The following ZFYVE26 variants were observed in gnomAD, a reference collection of about 807,000 sequenced individuals.
ZFYVE26 encodes zinc finger FYVE-type containing 26, also known as zinc finger FYVE domain-containing protein 26.
ZFYVE26 carries 181 observed loss-of-function variants against 276.5 expected under a neutral mutation model. That is an observed-to-expected ratio of 0.65 (90% CI 0.58 to 0.74). The LOEUF is 0.74. Among genes scored for constraint, ZFYVE26 ranks in the 30% least tolerant of loss-of-function variants. The pLI is 0.00. For synonymous variants in ZFYVE26, 1,129 were observed against 1,203.1 expected (o/e 0.94, Z 1.27); for missense variants, 2,821 against 3,097.9 (o/e 0.91, Z 2.12).
intron 37 of ZFYVE26, among the ~76,000 whole-genome samples, chr14:67,754,783 A>G (rs2038735474): frequency 6.6e-6 from 1 of 152,174 alleles, no homozygotes; most frequent in South Asian, 2.1e-4. Context: ...TAGGGGCCAG[A>G]ACGTGCAGGA....
rs190184633 is a variant in ZFYVE26 at position 67,803,998 on chromosome 14, T to A, written c.1435+103A>T. The A allele has an allele frequency of 1.3e-5, 20 of 1,518,562 alleles. No individual in the cohort carries two copies. The African/African-American group carries it at 2.5e-4, about 19-fold the overall frequency. The allele number at this position is 1,518,562 out of a possible 1,614,324, so 94.1% of individuals were successfully genotyped here. On this transcript the variant is annotated intron_variant, in intron 9 of 41. Coordinates refer to ENST00000347230, the MANE Select transcript of ZFYVE26 (RefSeq NM_015346.4). The stretch of plus-strand genomic sequence containing the variant: ...AGAGGAGACCTCCTCACCACCCTCT[T>A]GAAAGATCTCAGCAATCACATCTGG...
Position 67,783,251 on chromosome 14 carries a change from T to C in ZFYVE26, c.3901A>G (p.Thr1301Ala). The C allele has an allele frequency of 6.2e-7, 1 of 1,613,590 alleles. No individual in the cohort carries two copies. Among genetic ancestry groups the C allele is most frequent in the Non-Finnish European group, 8.5e-7 (1 of 1,179,778 alleles). The change falls in exon 21 of 42, where the codon ACC becomes GCC. Residue 1301 changes from threonine to alanine, a missense_variant. Thr to Ala is a moderately conservative substitution (Grantham distance 58, BLOSUM62 0). Coordinates refer to ENST00000347230, the MANE Select transcript of ZFYVE26 (RefSeq NM_015346.4). Reference sequence around the variant, plus strand: ...TTAAGAAAGGCCAAGGCAGAGGAGGTGAGGGCTGGGAGTGATGAGTCCCTT... The same window carrying C: ...TTAAGAAAGGCCAAGGCAGAGGAGGCGAGGGCTGGGAGTGATGAGTCCCTT... ...SPRDSSLPALTSSALAFLKSR... is the reference protein window; with the variant it reads ...SPRDSSLPALASSALAFLKSR...
downstream of ZFYVE26, among the ~76,000 whole-genome samples, chr14:67,744,774 T>C (rs1365145249): frequency 2.0e-5 from 3 of 152,236 alleles, no homozygotes; most frequent in Admixed American, 1.3e-4. Flanking sequence ...TAGTATTCTA[T>C]GGTATATATG....
chr14:67,757,013 G>C (rs1299901323), intron 35 of ZFYVE26, among the ~76,000 whole-genome samples: 1 of 152,046 alleles, frequency 6.6e-6, no homozygotes, highest in Non-Finnish European at 1.5e-5. Context: ...AAAAACCTTA[G>C]TCATCTTTTC....
chr14:67,799,497 A>G (rs1336241358), intron 10 of ZFYVE26: 1 of 1,605,668 alleles, frequency 6.2e-7, no homozygotes, highest in African/African-American at 1.3e-5. Context: ...CAGAGCAGAC[A>G]AAAGGATCGG....
chr14:67,803,622 C>T (rs750118440), intron 9 of ZFYVE26, among the ~76,000 whole-genome samples: 6 of 152,178 alleles, frequency 3.9e-5, no homozygotes, highest in African/African-American at 9.7e-5. Flanking sequence ...GGATTACAGG[C>T]GTGAGACACT....
intron 10 of ZFYVE26, chr14:67,799,683 G>A: frequency 9.1e-7 from 1 of 1,093,588 alleles, no homozygotes; most frequent in Non-Finnish European, 1.4e-6. Context: ...AAGATTTGAA[G>A]GCAAAAGTCA....
chr14:67,761,804 A>C, intron 34 of ZFYVE26: 1 of 595,668 alleles, frequency 1.7e-6, no homozygotes, highest in South Asian at 2.0e-5. Context: ...AATGTGGAAA[A>C]ATGTTCATAA....
At chr14:67,775,352 C>T (rs530195846) in intron 26 of ZFYVE26, among the ~76,000 whole-genome samples, 1 of 152,140 alleles carries the variant, frequency 6.6e-6, no homozygotes, top group South Asian at 2.1e-4. Context: ...TAGGATTCTA[C>T]AAAATAAATC....
At chr14:67,773,937 G>A (rs2039277289) in intron 27 of ZFYVE26, among the ~76,000 whole-genome samples, 1 of 152,128 alleles carries the variant, frequency 6.6e-6, no homozygotes, top group Non-Finnish European at 1.5e-5. Flanking sequence ...TGGAGACCAG[G>A]GGACTGGTGA....
intron 31 of ZFYVE26, among the ~76,000 whole-genome samples, chr14:67,767,084 A>T (rs117573691): frequency 0.022 from 3,380 of 152,186 alleles, 48 homozygotes; most frequent in Non-Finnish European, 0.029. Context: ...GCTGACTTGG[A>T]CAACAATGGT....
At chr14:67,768,228 A>G (rs2039110593) in intron 30 of ZFYVE26, among the ~76,000 whole-genome samples, 1 of 152,214 alleles carries the variant, frequency 6.6e-6, no homozygotes, top group Non-Finnish European at 1.5e-5. Context: ...TAGGATGGTA[A>G]AGGGAAACTT....
chr14:67,761,555 C>A lies in ZFYVE26; in HGVS notation c.6399G>T (p.Arg2133Ser), dbSNP rs1450048880. ...GCGTCCGAAGGGTAGCTTCCAGTTC[C>A]CTCAGGGTGGCAAAGTAATCGTCAT... ...LQDDDYFATLRELEATLRTQS... is the reference protein window; with the variant it reads ...LQDDDYFATLSELEATLRTQS... Residue 2133 changes from arginine to serine, a missense_variant, in exon 35 of 42, where the codon AGG (arginine) becomes AGT (serine). Physicochemically the swap from Arg to Ser is moderately radical, Grantham distance 110. Coordinates refer to ENST00000347230, the MANE Select transcript of ZFYVE26 (RefSeq NM_015346.4). 1.2e-6 allele frequency: 2 copies of A among 1,614,138 alleles called. No homozygotes were observed. Among genetic ancestry groups the A allele is most frequent in the Non-Finnish European group, 1.7e-6 (2 of 1,180,028 alleles).
At chr14:67,798,714 C>T (rs1052770690) in intron 10 of ZFYVE26, 92 bp from the exon 11 acceptor site, 53 of 1,516,546 alleles carry the variant, frequency 3.5e-5, no homozygotes, top group Non-Finnish European at 4.3e-5. Context: ...CAAACATTCT[C>T]GCAACTTTAG....
chr14:67,759,622 C>CAAAA (rs10687512), intron 35 of ZFYVE26, among the ~76,000 whole-genome samples: 46,039 of 106,910 alleles, frequency 0.43, 11,777 homozygotes, highest in Non-Finnish European at 0.52. Context: ...GACTCTGGCT[C>CAAAA]AAAAAAAAAA....
chr14:67,783,279 G>A lies in ZFYVE26; in HGVS notation c.3873C>T (p.Ser1291=). ...GGGCTGGGAGTGATGAGTCCCTTGG[G>A]GAGGAGTAGGGCTTTCTTTCCAATG... ...NPTLERKPYS[S]PRDSSLPALT... The change falls in exon 21 of 42, where the codon TCC becomes TCT. Residue 1291 remains serine, a synonymous_variant. Coordinates refer to ENST00000347230, the MANE Select transcript of ZFYVE26 (RefSeq NM_015346.4). 6.2e-7 allele frequency: 1 copy of A among 1,613,686 alleles called. No homozygotes were observed. The highest frequency in any genetic ancestry group is 8.5e-7 in the Non-Finnish European group (1 of 1,179,648).
At chr14:67,763,006 G>A (rs576624925) in intron 32 of ZFYVE26, among the ~76,000 whole-genome samples, 187 bp from the exon 33 acceptor site, 87 of 152,328 alleles carry the variant, frequency 5.7e-4, no homozygotes, top group African/African-American at 1.8e-3. Flanking sequence ...GGGTTCAAAC[G>A]ATTCTTCTGT....
At chr14:67,797,100 T>C (rs544279286) in intron 12 of ZFYVE26, 2 of 157,326 alleles carry the variant, frequency 1.3e-5, no homozygotes, top group African/African-American at 4.8e-5. Context: ...TATTAATCCC[T>C]ATAGAAAAAA....
chr14:67,761,210 G>A (rs946379358), intron 35 of ZFYVE26, 156 bp downstream of exon 35: 4 of 745,660 alleles, frequency 5.4e-6, no homozygotes, highest in African/African-American at 5.2e-5. Flanking sequence ...TAACAGTTGT[G>A]CAGAGTCCCC....
Sources: gnomAD v4.1 joint callset for allele counts (sites outside exome capture counted in the v4.1 genomes callset) on GRCh38, gnomAD v4.1.1 for gene constraint, MANE v1.5 for transcripts, NCBI Gene and HGNC (gene_info 2026-07-23, HGNC 2026-07-21) for gene names.